The following COG7 variants were observed in gnomAD, a reference collection of about 807,000 sequenced individuals.
The protein encoded by COG7 is conserved oligomeric Golgi complex subunit 7.
In COG7, 49 loss-of-function variants were observed where a neutral mutation model predicts 91.5. The ratio of observed to expected loss-of-function variants is 0.54; its 90% CI spans 0.43 to 0.68. The LOEUF (loss-of-function observed/expected upper bound fraction) is 0.68. COG7 is among the 30% of genes least tolerant of loss of function. COG7 has a pLI of 0.00. For synonymous variants in COG7, 365 were observed against 388.7 expected, an observed-to-expected ratio of 0.94 and a Z score of 0.72; for missense variants, 895 against 961.3, an observed-to-expected ratio of 0.93 and a Z score of 0.91.
intron 12 of COG7, among the ~76,000 whole-genome samples, chr16:23,405,319 T>C (rs1413750312): frequency 2.0e-5 from 3 of 152,118 alleles, no homozygotes; most frequent in African/African-American, 7.2e-5. Flanking sequence ...TTGCTCCTCC[T>C]GGTATCCTGG....
chr16:23,392,402 G>C lies in COG7; in HGVS notation c.2124C>G (p.Ala708=). The change falls in exon 16 of 17, where the codon GCC becomes GCG. Residue 708 remains alanine, a synonymous_variant. Coordinates refer to ENST00000307149, the MANE Select transcript of COG7 (RefSeq NM_153603.4). The part of the protein sequence containing the change: ...LQIPELSPHS[A]KQLATDIDYL... ...CACCGATGTCAGTGGCCAGCTGCTT[G>C]GCAGAGTGTGGGCTCAGCTCAGGGA... The C allele has an allele frequency of 6.2e-7, 1 of 1,614,202 alleles. No homozygotes were observed. The highest frequency in any genetic ancestry group is 8.5e-7 in the Non-Finnish European group (1 of 1,180,040).
Position 23,434,162 on chromosome 16 carries a change from C to T in COG7, c.687+474G>A, listed in dbSNP as rs568477375. Among the ~76,000 whole-genome samples, 31 of 152,324 alleles carry T rather than the reference C, an allele frequency of 2.0e-4. 1 individual carries two copies. The South Asian group carries it at 6.2e-3, about 31-fold the overall frequency. On this transcript the variant is annotated intron_variant, in intron 5 of 16. Coordinates refer to ENST00000307149, the MANE Select transcript of COG7 (RefSeq NM_153603.4). Reference sequence around the variant, plus strand: ...GAGTGGCACGCGCCTGTAGTCCCAACTCCTCACAAGGCTGAGACGGGAGGA... The same window carrying T: ...GAGTGGCACGCGCCTGTAGTCCCAATTCCTCACAAGGCTGAGACGGGAGGA...
intron 13 of COG7, among the ~76,000 whole-genome samples, chr16:23,398,589 C>T (rs1386559835): frequency 2.0e-5 from 3 of 152,154 alleles, no homozygotes; most frequent in East Asian, 1.9e-4. Flanking sequence ...ACAGAGGCCA[C>T]GTGTCAGTCT....
At chr16:23,400,038 T>G (rs1325966135) in intron 13 of COG7, among the ~76,000 whole-genome samples, 1 of 152,174 alleles carries the variant, frequency 6.6e-6, no homozygotes, top group African/African-American at 2.4e-5. Flanking sequence ...TGAGGGGGTA[T>G]GTATGAAACA....
chr16:23,401,505 CAGA>C (rs1313108263), intron 13 of COG7, among the ~76,000 whole-genome samples: 1 of 152,200 alleles, frequency 6.6e-6, no homozygotes, highest in Non-Finnish European at 1.5e-5. Context: ...GGTTTCAGAA[CAGA>C]AGGTCAGTAC....
At chr16:23,422,655 G>A (rs964405578) in intron 7 of COG7, among the ~76,000 whole-genome samples, 1 of 151,902 alleles carries the variant, frequency 6.6e-6, no homozygotes, top group East Asian at 1.9e-4. Context: ...TTTATGGATT[G>A]TTCTTGCTCT....
In COG7 at chr16:23,407,528, T is replaced by C. The variant is rs565099851; in HGVS notation, c.1476-1266A>G. Among the ~76,000 whole-genome samples the C allele has an allele frequency of 1.2e-4, 19 of 152,310 alleles. No homozygotes were observed. The South Asian group carries it at 3.7e-3, about 30-fold the overall frequency. On this transcript the variant is annotated intron_variant, in intron 11 of 16. Coordinates refer to ENST00000307149, the MANE Select transcript of COG7 (RefSeq NM_153603.4). ...TCACAGGGGCATTAGAAAGGCTTGG[T>C]AGAGGAGAGGCCTTAAGGACCCCAG...
intron 1 of COG7, among the ~76,000 whole-genome samples, chr16:23,450,261 G>A (rs1180141906): frequency 1.3e-5 from 2 of 151,960 alleles, no homozygotes; most frequent in Non-Finnish European, 2.9e-5. Context: ...TATTATTAAT[G>A]TCCTTTCCTC....
At chr16:23,410,529 T>C (rs1329753981) in intron 10 of COG7, among the ~76,000 whole-genome samples, 169 bp from the exon 11 acceptor site, 1 of 152,194 alleles carries the variant, frequency 6.6e-6, no homozygotes, top group Non-Finnish European at 1.5e-5. Flanking sequence ...TCATTAGTCA[T>C]TAATGTAAAA....
chr16:23,426,406 C>T (rs984760141), intron 6 of COG7, among the ~76,000 whole-genome samples: 10 of 151,580 alleles, frequency 6.6e-5, no homozygotes, highest in Non-Finnish European at 1.0e-4. Flanking sequence ...GGATCAAGGC[C>T]GGGCACAGTG....
intron 9 of COG7, chr16:23,416,033 T>A (rs1419144830): frequency 6.6e-6 from 1 of 152,186 alleles, no homozygotes; most frequent in Non-Finnish European, 1.5e-5. Flanking sequence ...GATTTTTTTT[T>A]ATTTTTTATT....
intron 14 of COG7, among the ~76,000 whole-genome samples, chr16:23,394,510 GTTT>G (rs972727693): frequency 2.0e-5 from 3 of 148,328 alleles, no homozygotes; most frequent in African/African-American, 7.4e-5. Context: ...GCCTGTTGTT[GTTT>G]TTTTTTTCTT....
intron 13 of COG7, among the ~76,000 whole-genome samples, chr16:23,400,264 TG>T (rs1207202145): frequency 6.7e-6 from 1 of 149,684 alleles, no homozygotes; most frequent in African/African-American, 2.5e-5. Context: ...AAAATTGGGG[TG>T]GGGGGCAGAT....
chr16:23,415,712 T>C (rs1963641692), intron 9 of COG7: 1 of 152,180 alleles, frequency 6.6e-6, no homozygotes, highest in South Asian at 2.1e-4. Flanking sequence ...CCCCTCCTTC[T>C]TGAACCACCG....
At chr16:23,452,217 A>C (rs565760573) in intron 1 of COG7, among the ~76,000 whole-genome samples, 1 of 152,352 alleles carries the variant, frequency 6.6e-6, no homozygotes, top group South Asian at 2.1e-4. Context: ...TCTGCTATTG[A>C]ATTATTTAGA....
In COG7 at chr16:23,406,261, T is replaced by G. The variant is rs1339666414; in HGVS notation, c.1477A>C (p.Ile493Leu). 6.2e-7 allele frequency: 1 copy of G among 1,613,680 alleles called. No homozygotes were observed. Among genetic ancestry groups the G allele is most frequent in the Non-Finnish European group, 8.5e-7 (1 of 1,179,798 alleles). ...AGATACTTCCCAGCTGTGGACAAAA[T>G]CCTGTAATGAAAGGAATGACCATTA... ...GDFEQQLANR[I>L]LSTAGKYLSD... is the part of the protein sequence containing the mutation. Residue 493 changes from isoleucine to leucine, a missense_variant and splice_region_variant, in exon 12 of 17, where the codon ATT becomes CTT. By Grantham distance (5) the Ile-to-Leu change is conservative. Transcript: ENST00000307149.
Position 23,452,781 on chromosome 16 carries a change from C to G in COG7, c.169+45G>C, listed in dbSNP as rs747945272. On this transcript the variant is annotated intron_variant, in intron 1 of 16. Coordinates refer to ENST00000307149, the MANE Select transcript of COG7 (RefSeq NM_153603.4). ...GCAAGTTCGGTGACCTCTGCCCAGC[C>G]GAGAGCAGGGGAGGGTCCCGCGGCC... The G allele has an allele frequency of 3.8e-6, 6 of 1,580,302 alleles. No homozygotes were observed. In the Admixed American group the frequency reaches 9.1e-5, roughly 24 times the overall value.
intron 3 of COG7, 150 bp from the exon 4 acceptor site, chr16:23,442,795 G>A (rs890961388): frequency 3.8e-5 from 28 of 735,844 alleles, no homozygotes; most frequent in Non-Finnish European, 6.0e-5. Context: ...CAGCACTTTC[G>A]GAGATTGAGG....
At chr16:23,403,568 G>T in intron 13 of COG7, 126 bp downstream of exon 13, 2 of 1,224,510 alleles carry the variant, frequency 1.6e-6, no homozygotes, top group African/African-American at 1.5e-5. Flanking sequence ...GGCTCTTTCC[G>T]GCTTGGGAAA....
Sources: allele counts gnomAD v4.1 joint callset (sites outside exome capture counted in the v4.1 genomes callset), GRCh38; gene constraint gnomAD v4.1.1; transcripts MANE v1.5; gene names NCBI Gene and HGNC (gene_info 2026-07-23, HGNC 2026-07-21).